Variants in ARL6IP6 observed in about 807,000 individuals in gnomAD.
ARL6IP6 encodes ADP-ribosylation factor-like protein 6-interacting protein 6.
Under a neutral mutation model 21.5 loss-of-function variants are expected in ARL6IP6, and 22 were observed. The ratio of observed to expected loss-of-function variants is 1.02; its 90% confidence interval spans 0.73 to 1.46. ARL6IP6 has a LOEUF of 1.46. Ranked by LOEUF, ARL6IP6 falls within the 40% of genes most tolerant of loss-of-function variation. ARL6IP6 has a pLI of 0.00. For missense variants in ARL6IP6, 388 were observed against 299.8 expected (o/e 1.29, Z -2.17); for synonymous variants, 164 against 125.3 (o/e 1.31, Z -2.06).
At chr2:152,717,922 G>A (rs1027092989), upstream of ARL6IP6, 2 of 1,004,032 alleles carry the variant, frequency 2.0e-6, no homozygotes, top group Admixed American at 5.7e-5. Context: ...CGCGGTGCTC[G>A]AGGCGGAGGG....
At chr2:152,729,348 G>A (rs1315122915) in intron 2 of ARL6IP6, among the ~76,000 whole-genome samples, 1 of 152,174 alleles carries the variant, frequency 6.6e-6, no homozygotes, top group African/African-American at 2.4e-5. Context: ...GTGTGTGTGT[G>A]TGTGTGTGTG....
chr2:152,737,056 G>A (rs1700586528), intron 3 of ARL6IP6, among the ~76,000 whole-genome samples: 3 of 152,112 alleles, frequency 2.0e-5, no homozygotes, highest in Non-Finnish European at 4.4e-5. Flanking sequence ...CTTTCCTGTT[G>A]CCTTCAGAAT....
chr2:152,748,107 G>A (rs1701143822), intron 3 of ARL6IP6, among the ~76,000 whole-genome samples: 1 of 152,288 alleles, frequency 6.6e-6, no homozygotes, highest in South Asian at 2.1e-4. Context: ...GAACTTTAGA[G>A]TAAAAAGTAA....
chr2:152,732,150 T>C (rs1175566587), intron 2 of ARL6IP6, among the ~76,000 whole-genome samples: 1 of 151,848 alleles, frequency 6.6e-6, no homozygotes, highest in East Asian at 1.9e-4. Context: ...CAAAGGTATA[T>C]ATATATAAAA....
chr2:152,757,731 G>A (rs1254939868), intron 3 of ARL6IP6, among the ~76,000 whole-genome samples: 1 of 152,212 alleles, frequency 6.6e-6, no homozygotes, highest in Admixed American at 6.5e-5. Flanking sequence ...GCAGTAGTCT[G>A]TGACAATTGC....
chr2:152,743,050 T>C (rs1418019768), intron 3 of ARL6IP6, among the ~76,000 whole-genome samples: 1 of 152,212 alleles, frequency 6.6e-6, no homozygotes, highest in Non-Finnish European at 1.5e-5. Flanking sequence ...TAACAGGCAC[T>C]CTGAGCTTTT....
chr2:152,762,044 C>G lies in ARL6IP6; in HGVS notation c.*2204C>G, dbSNP rs1421164841. ...CCTCTCTCCAGTCTGACACAGGGTC[C>G]AAATATAAATCATCTATATGCAGAA... On this transcript the variant is annotated 3_prime_UTR_variant, in exon 4 of 4. Coordinates refer to ENST00000326446, the MANE Select transcript of ARL6IP6 (RefSeq NM_152522.7). Among the ~76,000 whole-genome samples the G allele has an allele frequency of 6.6e-6, 1 of 152,036 alleles. No homozygotes were observed. Among genetic ancestry groups the G allele is most frequent in the Non-Finnish European group, 1.5e-5 (1 of 68,010 alleles).
chr2:152,757,104 T>C (rs927129145), intron 3 of ARL6IP6, among the ~76,000 whole-genome samples: 1 of 152,104 alleles, frequency 6.6e-6, no homozygotes, highest in Non-Finnish European at 1.5e-5. Context: ...ACAAAGACAG[T>C]ACTGAGCAAA....
chr2:152,722,831 C>T (rs186796875), intron 2 of ARL6IP6, among the ~76,000 whole-genome samples: 2 of 152,256 alleles, frequency 1.3e-5, no homozygotes, highest in East Asian at 1.9e-4. Context: ...TCACTTGAAC[C>T]GGGGAGGTGG....
intron 2 of ARL6IP6, among the ~76,000 whole-genome samples, chr2:152,726,464 A>G (rs1039115076): frequency 1.3e-5 from 2 of 152,226 alleles, no homozygotes; most frequent in Non-Finnish European, 2.9e-5. Context: ...ACTTTGCTCT[A>G]GGGATTTAAA....
chr2:152,719,034 C>T lies in ARL6IP6; in HGVS notation c.400+10C>T, dbSNP rs376944208. 3.3e-6 allele frequency: 5 copies of T among 1,529,212 alleles called. No individual in the cohort carries two copies. The African/African-American group carries it at 4.2e-5, about 13-fold the overall frequency. The allele number at this position is 1,529,212 out of a possible 1,614,324, so 94.7% of individuals were successfully genotyped here. A position where few individuals can be genotyped will look rare whatever the true frequency, so the allele number is the denominator to read the frequency against. The stretch of plus-strand genomic sequence containing the variant: ...TACTTGATCGTTAAAGGTATTGAAG[C>T]CGACGCCTTGAAAGTCTGTCCAGAG... On this transcript the variant is annotated intron_variant, in intron 1 of 3. Coordinates refer to ENST00000326446, the MANE Select transcript of ARL6IP6 (RefSeq NM_152522.7).
intron 2 of ARL6IP6, among the ~76,000 whole-genome samples, chr2:152,731,005 CCTCA>C (rs1416447077): frequency 1.3e-5 from 2 of 152,128 alleles, no homozygotes; most frequent in Non-Finnish European, 2.9e-5. Flanking sequence ...TCGATAAGCC[CCTCA>C]CTCTCTCCCT....
chr2:152,739,248 G>T (rs1027330299), intron 3 of ARL6IP6, among the ~76,000 whole-genome samples: 2 of 152,136 alleles, frequency 1.3e-5, no homozygotes, highest in African/African-American at 4.8e-5. Context: ...GCCTCCCAAA[G>T]TACTGGGATT....
Position 152,745,128 on chromosome 2 carries a change from T to G in ARL6IP6, c.587+10002T>G, listed in dbSNP as rs147979280. Among the ~76,000 whole-genome samples, 728 of 152,324 alleles carry G rather than the reference T, an allele frequency of 4.8e-3. 4 individuals carry two copies. The highest frequency in any genetic ancestry group is 0.016 in the African/African-American group (677 of 41,574). On this transcript the variant is annotated intron_variant, in intron 3 of 3. Transcript: ENST00000326446. ...ATTTCCTGGAACATTCAGGATTCAG[T>G]ATTGGCATCCTGTATTATAATGTTA...
At position 152,719,767 on chromosome 2, in the gene ARL6IP6, A is replaced by C. The variant is rs1219694731; in HGVS notation, c.400+743A>C. 6 of 326,694 alleles carry C rather than the reference A, an allele frequency of 1.8e-5. No individual in the cohort carries two copies. The East Asian group carries it at 2.7e-4, about 15-fold the overall frequency. 20.2% of individuals were successfully genotyped at this position (326,694 alleles called of 1,614,324 possible). Reference sequence around the variant, plus strand: ...AAGTTACTGAAAAAAAAAAAAAAAAAAAAAAAACAAAAGAACTTTGTTGTA... The same window carrying C: ...AAGTTACTGAAAAAAAAAAAAAAAACAAAAAAACAAAAGAACTTTGTTGTA... On this transcript the variant is annotated intron_variant, in intron 1 of 3. Coordinates refer to ENST00000326446, the MANE Select transcript of ARL6IP6 (RefSeq NM_152522.7).
chr2:152,719,083 C>G, intron 1 of ARL6IP6, 59 bp downstream of exon 1: 1 of 1,448,158 alleles, frequency 6.9e-7, no homozygotes, highest in Non-Finnish European at 9.1e-7. Flanking sequence ...GGGTGTGGCT[C>G]TCGTCTCCAC....
chr2:152,734,931 T>C, intron 2 of ARL6IP6, 63 bp from the exon 3 acceptor site: 2 of 1,489,136 alleles, frequency 1.3e-6, no homozygotes, highest in East Asian at 2.3e-5. Flanking sequence ...ATGAGAGTAC[T>C]GGTTTAATTT....
intron 3 of ARL6IP6, among the ~76,000 whole-genome samples, chr2:152,740,377 G>T (rs562273704): frequency 6.6e-6 from 1 of 152,240 alleles, no homozygotes; most frequent in East Asian, 1.9e-4. Flanking sequence ...GGGATTACAG[G>T]CATGAGCCAC....
intron 3 of ARL6IP6, 107 bp from the exon 4 acceptor site, chr2:152,759,640 G>T (rs950617511): frequency 1.2e-5 from 10 of 809,620 alleles, no homozygotes; most frequent in Non-Finnish European, 2.0e-5. Context: ...GTGAACATTT[G>T]GGAAATACAC....
Sources: allele counts gnomAD v4.1 joint callset (sites outside exome capture counted in the v4.1 genomes callset), GRCh38; gene constraint gnomAD v4.1.1; transcripts MANE v1.5; gene names NCBI Gene and HGNC (gene_info 2026-07-23, HGNC 2026-07-21).